The following GRIN2A variants were observed in gnomAD, a reference collection of about 807,000 sequenced individuals.
The protein encoded by GRIN2A is glutamate ionotropic receptor NMDA type subunit 2A.
In GRIN2A, 22 loss-of-function variants were observed where a neutral mutation model predicts 113.4. The observed-to-expected ratio is 0.19, with a 90% confidence interval of 0.14 to 0.28. The LOEUF (loss-of-function observed/expected upper bound fraction) is 0.28, where lower values mean the gene tolerates loss of function less well. Among genes scored for constraint, GRIN2A ranks in the 10% least tolerant of loss-of-function variants. The pLI is 1.00. For missense variants in GRIN2A, 1,502 were observed against 1,887.0 expected (o/e 0.80, Z 3.78); for synonymous variants, 827 against 738.4 (o/e 1.12, Z -1.94).
Position 10,039,938 on chromosome 16 carries a change from C to T in GRIN2A, c.415-101387G>A, listed in dbSNP as rs1385844768. On this transcript the variant is annotated intron_variant, in intron 2 of 12. Transcript: ENST00000330684. ...CTCACAGCGCACATGCAAACACACA[C>T]AACCCACAAACAGCACAACCCACAA... Among the ~76,000 whole-genome samples, 5 of 76,734 alleles carry T rather than the reference C, an allele frequency of 6.5e-5. No homozygotes were observed. In the East Asian group the frequency reaches 1.1e-3, roughly 17 times the overall value. The allele number at this position is 76,734 out of a possible 152,430, so 50.3% of individuals were successfully genotyped here. A position where few individuals can be genotyped will look rare whatever the true frequency, so the allele number is the denominator to read the frequency against.
chr16:9,975,795 G>A lies in GRIN2A; in HGVS notation c.415-37244C>T, dbSNP rs1028422405. ...AGAGATGTACTTTCAATGTAAAGAC[G>A]CAGACAGATTCAAAGTAAATTAATG... On this transcript the variant is annotated intron_variant, in intron 2 of 12. Coordinates refer to ENST00000330684, the MANE Select transcript of GRIN2A (RefSeq NM_001134407.3). 2.6e-5 allele frequency among the ~76,000 whole-genome samples: 4 copies of A among 152,150 alleles called. No homozygotes were observed. The East Asian group carries it at 5.8e-4, about 22-fold the overall frequency.
chr16:10,039,522 G>A (rs1242135697), intron 2 of GRIN2A, among the ~76,000 whole-genome samples: 1 of 151,966 alleles, frequency 6.6e-6, no homozygotes, highest in African/African-American at 2.4e-5. Flanking sequence ...CTCTCCCTAG[G>A]GGCAGGATGG....
At chr16:9,967,855 A>G (rs1329009515) in intron 2 of GRIN2A, among the ~76,000 whole-genome samples, 5 of 152,192 alleles carry the variant, frequency 3.3e-5, no homozygotes, top group Non-Finnish European at 7.3e-5. Flanking sequence ...TATCCCTGTA[A>G]CCAAAAGCAC....
intron 2 of GRIN2A, among the ~76,000 whole-genome samples, chr16:9,955,053 C>T (rs1023803418): frequency 6.6e-6 from 1 of 152,178 alleles, no homozygotes; most frequent in Non-Finnish European, 1.5e-5. Context: ...GTGTCATCCC[C>T]ATGGGCAGTC....
chr16:10,027,375 C>G (rs189655708), intron 2 of GRIN2A, among the ~76,000 whole-genome samples: 18 of 152,252 alleles, frequency 1.2e-4, no homozygotes, highest in Non-Finnish European at 1.8e-4. Flanking sequence ...GAATGTCCCC[C>G]CCTGCCAGTG....
chr16:10,039,809 G>GGGGT (rs2047115541), intron 2 of GRIN2A, among the ~76,000 whole-genome samples: 1 of 66,672 alleles, frequency 1.5e-5, no homozygotes, highest in Non-Finnish European at 2.9e-5. Context: ...GGAGGGGGGG[G>GGGGT]AGAAAGAGAG....
intron 2 of GRIN2A, among the ~76,000 whole-genome samples, chr16:10,146,043 G>T (rs555325529): frequency 6.6e-6 from 1 of 152,198 alleles, no homozygotes; most frequent in Non-Finnish European, 1.5e-5. Flanking sequence ...GACACCCTTG[G>T]TGCCAGGTAG....
At chr16:10,080,018 G>A (rs2047949041) in intron 2 of GRIN2A, among the ~76,000 whole-genome samples, 2 of 152,214 alleles carry the variant, frequency 1.3e-5, no homozygotes, top group African/African-American at 4.8e-5. Context: ...TCATGGAACT[G>A]AATTGATGGC....
At chr16:9,996,923 C>G (rs2046233654) in intron 2 of GRIN2A, among the ~76,000 whole-genome samples, 2 of 152,086 alleles carry the variant, frequency 1.3e-5, no homozygotes, top group Non-Finnish European at 2.9e-5. Flanking sequence ...ATAAAATTAT[C>G]TCTCACATAT....
chr16:9,810,095 G>A (rs2141266234), intron 10 of GRIN2A, among the ~76,000 whole-genome samples: 1 of 152,276 alleles, frequency 6.6e-6, no homozygotes, highest in South Asian at 2.1e-4. Context: ...GGCATGGAGT[G>A]AGGGCTACCT....
rs2141334046 is a variant in GRIN2A, at chr16:9,837,657, C to G, written c.1651+2990G>C. Among the ~76,000 whole-genome samples, 2 of 152,206 alleles carry G rather than the reference C, an allele frequency of 1.3e-5. 1 individual carries two copies. The highest frequency in any genetic ancestry group is 4.2e-4 in the South Asian group (2 of 4,804). ...GGACAAAGGATTCCTGCCAAAGAGT[C>G]TGAAAGGGAATGAGGGGAAACATGA... On this transcript the variant is annotated intron_variant, in intron 7 of 12. Transcript: ENST00000330684.
chr16:9,966,706 A>C (rs977875805), intron 2 of GRIN2A, among the ~76,000 whole-genome samples: 1 of 152,196 alleles, frequency 6.6e-6, no homozygotes, highest in Non-Finnish European at 1.5e-5. Flanking sequence ...ATTGTCTTCC[A>C]CAACAGCTGC....
Position 10,063,552 on chromosome 16 carries a change from T to C in GRIN2A, c.414+116446A>G, listed in dbSNP as rs114456798. 4.9e-3 allele frequency among the ~76,000 whole-genome samples: 750 copies of C among 152,310 alleles called. 7 individuals carry two copies. The highest frequency in any genetic ancestry group is 0.017 in the African/African-American group (709 of 41,574). The stretch of plus-strand genomic sequence containing the variant: ...ATGAGAAGGAAATAAAATTCTTACT[T>C]AAGCCATTGATAATCTGGATTTTCT... On this transcript the variant is annotated intron_variant, in intron 2 of 12. Transcript: ENST00000330684.
At chr16:9,788,643 T>C (rs1039774417) in intron 11 of GRIN2A, among the ~76,000 whole-genome samples, 1 of 151,866 alleles carries the variant, frequency 6.6e-6, no homozygotes, top group African/African-American at 2.4e-5. Context: ...TCTCTATCCC[T>C]TTTTCCTTCC....
At chr16:9,803,323 A>G (rs1399562485) in intron 10 of GRIN2A, among the ~76,000 whole-genome samples, 1 of 151,952 alleles carries the variant, frequency 6.6e-6, no homozygotes, top group Non-Finnish European at 1.5e-5. Context: ...AGGCGAATCT[A>G]TTGAACCCGG....
In GRIN2A at chr16:9,769,688, G is replaced by A. The variant is rs972589936; in HGVS notation, c.2357-599C>T. 2.6e-5 allele frequency among the ~76,000 whole-genome samples: 4 copies of A among 151,926 alleles called. No individual in the cohort carries two copies. The South Asian group carries it at 6.2e-4, about 24-fold the overall frequency. Reference sequence around the variant, plus strand: ...ATAATAGAACATACTTCCTAGAGTCGCCATGAGGATTGAATGAGATGAGAA... The same window carrying A: ...ATAATAGAACATACTTCCTAGAGTCACCATGAGGATTGAATGAGATGAGAA... On this transcript the variant is annotated intron_variant, in intron 11 of 12. Transcript: ENST00000330684.
chr16:9,782,738 C>T (rs1340363536), intron 11 of GRIN2A, among the ~76,000 whole-genome samples: 1 of 152,182 alleles, frequency 6.6e-6, no homozygotes, highest in Non-Finnish European at 1.5e-5. Context: ...TTAGGGAATT[C>T]ACTGCAAATT....
chr16:9,851,450 G>A (rs75899026), intron 4 of GRIN2A, among the ~76,000 whole-genome samples: 4 of 152,154 alleles, frequency 2.6e-5, no homozygotes, highest in Admixed American at 6.5e-5. Flanking sequence ...CCCAGTGCCA[G>A]CCTAGGAATA....
At position 9,761,557 on chromosome 16, in the gene GRIN2A, A is replaced by C. The variant is rs975271947; in HGVS notation, c.*1592T>G. The C allele has an allele frequency of 4.4e-6, 1 of 228,600 alleles. No individual in the cohort carries two copies. Among genetic ancestry groups the C allele is most frequent in the East Asian group, 6.3e-5 (1 of 15,848 alleles). The allele number at this position is 228,600 out of a possible 1,614,324, so 14.2% of individuals were successfully genotyped here. A position where few individuals can be genotyped will look rare whatever the true frequency, so the allele number is the denominator to read the frequency against. ...CTATATAAAAGGTTTAGTTAATATT[A>C]TTTGCTGGTTTTATGATATTTAATT... is the stretch of plus-strand genomic sequence containing the variant. On this transcript the variant is annotated 3_prime_UTR_variant, in exon 13 of 13. Coordinates refer to ENST00000330684, the MANE Select transcript of GRIN2A (RefSeq NM_001134407.3).
Sources: allele counts gnomAD v4.1 joint callset (sites outside exome capture counted in the v4.1 genomes callset), GRCh38; gene constraint gnomAD v4.1.1; transcripts MANE v1.5; gene names NCBI Gene and HGNC (gene_info 2026-07-23, HGNC 2026-07-21).